The following ARHGAP42 variants were observed in gnomAD, a reference collection of about 807,000 sequenced individuals.
The protein encoded by ARHGAP42 is rho GTPase-activating protein 42.
A neutral mutation model predicts 125.0 loss-of-function variants in ARHGAP42; 63 were observed. The observed-to-expected ratio is 0.50, with a 90% CI of 0.41 to 0.62. The LOEUF is 0.62. ARHGAP42 is among the 20% of genes least tolerant of loss of function. The probability of loss-of-function intolerance (pLI) is 0.00; values close to 1 mark genes in which losing one functional copy is unlikely to be tolerated. For synonymous variants in ARHGAP42, 339 were observed against 351.0 expected (o/e 0.97, Z 0.38); for missense variants, 766 against 1,024.2 (o/e 0.75, Z 3.44).
rs761806771 is a variant in ARHGAP42 at position 100,859,562 on chromosome 11, C to T, written c.321C>T (p.Asn107=). 4.0e-5 allele frequency: 61 copies of T among 1,520,024 alleles called. No homozygotes were observed. The highest frequency in any genetic ancestry group is 3.4e-4 in the Middle Eastern group (2 of 5,838). 94.2% of individuals were successfully genotyped at this position (1,520,024 alleles called of 1,614,324 possible). ...TGCATTTTTTATTTCAGATCCAAAA[C>T]GCTAACGATGTATTAATTGCACCAC... ...VEEERRRLIQ[N]ANDVLIAPLE... The change falls in exon 4 of 24, where the codon AAC becomes AAT. Residue 107 remains asparagine (N), a synonymous_variant. Coordinates refer to ENST00000298815, the MANE Select transcript of ARHGAP42 (RefSeq NM_152432.4).
chr11:100,965,117 G>C lies in ARHGAP42; in HGVS notation c.1445-554G>C, dbSNP rs113620729. 7.7e-3 allele frequency among the ~76,000 whole-genome samples: 1,173 copies of C among 152,222 alleles called. 19 individuals carry two copies. Among genetic ancestry groups the C allele is most frequent in the African/African-American group, 0.027 (1,120 of 41,526 alleles). ...GCCCCGTATAAAACCATCAGATCTT[G>C]TGAGAACTCACTCACTATCAAGAGA... is the stretch of plus-strand genomic sequence containing the variant. On this transcript the variant is annotated intron_variant, in intron 16 of 23. Coordinates refer to ENST00000298815, the MANE Select transcript of ARHGAP42 (RefSeq NM_152432.4).
chr11:100,724,854 G>A (rs1315993086), intron 1 of ARHGAP42, among the ~76,000 whole-genome samples: 3 of 145,062 alleles, frequency 2.1e-5, no homozygotes, highest in African/African-American at 7.6e-5. Context: ...TTATTTTTTT[G>A]CTGCTTGCTT....
chr11:100,907,289 T>A (rs1866763674), intron 4 of ARHGAP42, among the ~76,000 whole-genome samples: 1 of 152,250 alleles, frequency 6.6e-6, no homozygotes, highest in Non-Finnish European at 1.5e-5. Context: ...TTTTGTGTAT[T>A]ATCCCTTCAT....
intron 3 of ARHGAP42, among the ~76,000 whole-genome samples, chr11:100,805,583 A>G (rs1207680810): frequency 6.6e-6 from 1 of 152,198 alleles, no homozygotes; most frequent in Non-Finnish European, 1.5e-5. Flanking sequence ...AAGAATGGCT[A>G]CTTCATAGGC....
Position 100,795,141 on chromosome 11 carries a change from C to T in ARHGAP42, c.287C>T (p.Ala96Val). The part of the protein sequence containing the change: ...SLKEFARLLI[A>V]VEEERRRLIQ... ...AAAGAATTTGCAAGACTACTCATTGCAGTAGAAGAAGAAAGGCGAAGACTG... is the reference window on the plus strand; with the variant it reads ...AAAGAATTTGCAAGACTACTCATTGTAGTAGAAGAAGAAAGGCGAAGACTG... Residue 96 changes from alanine (A) to valine (V), a missense_variant, in exon 3 of 24, where the codon GCA (alanine) becomes GTA (valine). This residue lies in a region of ARHGAP42 where 455 missense variants were observed against 636.5 expected (regional missense o/e 0.71). Transcript: ENST00000298815. 3 of 1,543,788 alleles carry T rather than the reference C, an allele frequency of 1.9e-6. No homozygotes were observed. The highest frequency in any genetic ancestry group is 1.4e-5 in the African/African-American group (1 of 72,880).
intron 17 of ARHGAP42, among the ~76,000 whole-genome samples, chr11:100,969,384 T>C (rs1858180221): frequency 6.6e-6 from 1 of 152,156 alleles, no homozygotes; most frequent in African/African-American, 2.4e-5. Flanking sequence ...CTTGGATATA[T>C]AGATTAATGT....
intron 1 of ARHGAP42, among the ~76,000 whole-genome samples, chr11:100,757,443 T>A (rs1406429810): frequency 6.6e-6 from 1 of 152,160 alleles, no homozygotes; most frequent in Non-Finnish European, 1.5e-5. Context: ...TTAATATGAT[T>A]TGAAAAATCC....
At chr11:100,694,793 C>T (rs906354988) in intron 1 of ARHGAP42, among the ~76,000 whole-genome samples, 1 of 152,304 alleles carries the variant, frequency 6.6e-6, no homozygotes, top group East Asian at 1.9e-4. Flanking sequence ...CTTTGGGAGG[C>T]TGAGGTGGGT....
chr11:100,769,655 T>G (rs1862921902), intron 1 of ARHGAP42, among the ~76,000 whole-genome samples: 3 of 151,838 alleles, frequency 2.0e-5, no homozygotes, highest in Non-Finnish European at 4.4e-5. Context: ...ATTGGTGACT[T>G]TTTCTAATCA....
At position 100,989,827 on chromosome 11, in the gene ARHGAP42, C is replaced by T. The variant is rs1272091707; in HGVS notation, c.*1026C>T. On this transcript the variant is annotated 3_prime_UTR_variant, in exon 24 of 24. Coordinates refer to ENST00000298815, the MANE Select transcript of ARHGAP42 (RefSeq NM_152432.4). ...TACAAATGAAAAAGATGTTTAAAAA[C>T]GTTACAAGGGAAGCTATGCCTTCTG... 8 of 152,228 alleles carry T rather than the reference C, an allele frequency of 5.3e-5. No homozygotes were observed. Among genetic ancestry groups the T allele is most frequent in the South Asian group, 4.1e-4 (2 of 4,826 alleles). 9.4% of individuals were successfully genotyped at this position (152,228 alleles called of 1,614,324 possible). A position where few individuals can be genotyped will look rare whatever the true frequency, so the allele number is the denominator to read the frequency against.
intron 3 of ARHGAP42, among the ~76,000 whole-genome samples, chr11:100,806,122 C>A (rs1863983824): frequency 6.6e-6 from 1 of 152,176 alleles, no homozygotes; most frequent in South Asian, 2.1e-4. Flanking sequence ...CTTTATCCAT[C>A]AATCCTTTGA....
chr11:100,941,065 A>G (rs935675399), intron 8 of ARHGAP42, among the ~76,000 whole-genome samples: 1 of 152,190 alleles, frequency 6.6e-6, no homozygotes, highest in Non-Finnish European at 1.5e-5. Flanking sequence ...TGAAAGTGAC[A>G]TTTAGGAAAA....
At chr11:100,879,920 G>C (rs1865915441) in intron 4 of ARHGAP42, among the ~76,000 whole-genome samples, 1 of 152,112 alleles carries the variant, frequency 6.6e-6, no homozygotes, top group Non-Finnish European at 1.5e-5. Flanking sequence ...TGGATTCTTT[G>C]TGGGTTTTTA....
chr11:100,787,950 A>C (rs554081716), intron 2 of ARHGAP42, among the ~76,000 whole-genome samples: 2 of 148,546 alleles, frequency 1.3e-5, no homozygotes, highest in Non-Finnish European at 3.0e-5. Context: ...AATATAGACA[A>C]GATAGATAAG....
intron 3 of ARHGAP42, 34 bp from the exon 4 acceptor site, chr11:100,859,520 G>T: frequency 6.7e-7 from 1 of 1,499,514 alleles, no homozygotes. Flanking sequence ...ATGAAATTAT[G>T]CAAGATTTAA....
chr11:100,791,768 G>A (rs1863573817), intron 2 of ARHGAP42, among the ~76,000 whole-genome samples: 1 of 151,544 alleles, frequency 6.6e-6, no homozygotes, highest in South Asian at 2.1e-4. Flanking sequence ...AGTTTTTGTT[G>A]TGGAGAACCA....
intron 8 of ARHGAP42, among the ~76,000 whole-genome samples, chr11:100,937,296 G>A (rs1045980632): frequency 1.3e-5 from 2 of 152,068 alleles, no homozygotes; most frequent in African/African-American, 2.4e-5. Context: ...TGATCTGCCT[G>A]GGTACTCTAT....
intron 8 of ARHGAP42, 104 bp from the exon 9 acceptor site, chr11:100,941,680 T>TA (rs1327751633): frequency 1.6e-6 from 1 of 640,490 alleles, no homozygotes; most frequent in African/African-American, 1.9e-5. Context: ...TAGCATGGTA[T>TA]AGGAGAGATA....
chr11:100,939,334 T>G (rs1015955768), intron 8 of ARHGAP42, among the ~76,000 whole-genome samples: 1 of 152,270 alleles, frequency 6.6e-6, no homozygotes, highest in Non-Finnish European at 1.5e-5. Flanking sequence ...AAAATGTCTC[T>G]ATTCTCGGTA....
Sources: gnomAD v4.1 joint callset for allele counts (sites outside exome capture counted in the v4.1 genomes callset) on GRCh38, gnomAD v4.1.1 for gene constraint, gnomAD v4.1.1 regional missense constraint, MANE v1.5 for transcripts, NCBI Gene and HGNC (gene_info 2026-07-23, HGNC 2026-07-21) for gene names.